ABCC3: variants seen among roughly 807,000 people sequenced by gnomAD.
ABCC3 encodes the protein ATP-binding cassette sub-family C member 3.
Under a neutral mutation model 165.3 loss-of-function variants are expected in ABCC3, and 121 were observed. The ratio of observed to expected loss-of-function variants is 0.73; its 90% confidence interval spans 0.63 to 0.85. ABCC3 has a LOEUF of 0.85. Among genes scored for constraint, ABCC3 ranks in the 40% least tolerant of loss-of-function variants. The pLI, the probability that ABCC3 is intolerant of heterozygous loss-of-function variation, is 0.00. For synonymous variants in ABCC3, 733 were observed against 810.1 expected (o/e 0.90, Z 1.62); for missense variants, 1,869 against 1,964.1 (o/e 0.95, Z 0.92).
intron 4 of ABCC3, among the ~76,000 whole-genome samples, chr17:50,657,675 C>T (rs144113493): frequency 0.011 from 1,619 of 152,296 alleles, 16 homozygotes; most frequent in Middle Eastern, 0.024. Context: ...TCCATCTCAG[C>T]GGGAAGCAGG....
chr17:50,666,231 G>A (rs990839132), intron 11 of ABCC3, among the ~76,000 whole-genome samples: 3 of 152,112 alleles, frequency 2.0e-5, no homozygotes, highest in Admixed American at 2.0e-4. Flanking sequence ...CAGAGCTTTG[G>A]GAGGCCGAGG....
rs1967551377 is a variant in ABCC3, at chr17:50,667,615, T to C, written c.1493T>C (p.Ile498Thr). Residue 498 changes from isoleucine to threonine, a missense_variant, in exon 12 of 31, where the codon ATC becomes ACC. Physicochemically the swap from Ile to Thr is moderately conservative, Grantham distance 89. Coordinates refer to ENST00000285238, the MANE Select transcript of ABCC3 (RefSeq NM_003786.4). ...IKLMSEILNGIKVLKLYAWEP... is the reference protein window; with the variant it reads ...IKLMSEILNGTKVLKLYAWEP... ...CTGATGAGTGAGATCCTGAACGGCA[T>C]CAAGGTGCTGAAGCTGTACGCCTGG... The C allele has an allele frequency of 3.1e-6, 5 of 1,614,182 alleles. No homozygotes were observed. The East Asian group carries it at 1.1e-4, about 36-fold the overall frequency.
At chr17:50,641,465 A>G (rs987767421) in intron 1 of ABCC3, among the ~76,000 whole-genome samples, 13 of 152,294 alleles carry the variant, frequency 8.5e-5, no homozygotes, top group Non-Finnish European at 1.6e-4. Context: ...CATTTTACAC[A>G]TAACTGAGTT....
At chr17:50,679,750 G>T in intron 25 of ABCC3, 48 bp from the exon 26 acceptor site, 1 of 1,537,360 alleles carries the variant, frequency 6.5e-7, no homozygotes, top group South Asian at 1.1e-5. Context: ...AAGCCATTAC[G>T]GTGGGGAGGG....
Position 50,663,940 on chromosome 17 carries a change from C to T in ABCC3, c.1177-10C>T, listed in dbSNP as rs780516365. ...CGCAGCCAAGTCCACCCACTACTGT[C>T]TACCTGCAGGCTCTGGTTATCACCA... On this transcript the variant is annotated splice_polypyrimidine_tract_variant and intron_variant, in intron 9 of 30. Transcript: ENST00000285238. 9.3e-6 allele frequency: 15 copies of T among 1,614,230 alleles called. No homozygotes were observed. In the South Asian group the frequency reaches 1.4e-4, roughly 15 times the overall value.
At chr17:50,685,457 G>A (rs1968007729) in intron 29 of ABCC3, among the ~76,000 whole-genome samples, 1 of 152,148 alleles carries the variant, frequency 6.6e-6, no homozygotes, top group Non-Finnish European at 1.5e-5. Context: ...AACAAAGCAA[G>A]TCATGCATAT....
At position 50,669,442 on chromosome 17, in the gene ABCC3, C is replaced by G. The variant is rs767722164; in HGVS notation, c.2155C>G (p.Arg719Gly). The change falls in exon 17 of 31, where the codon CGC becomes GGC. Residue 719 changes from arginine to glycine, a missense_variant. Coordinates refer to ENST00000285238, the MANE Select transcript of ABCC3 (RefSeq NM_003786.4). ...TTTCGGCAAAGCCCTGAACCCCAAG[C>G]GCTACCAGCAGACTCTGGAGGCCTG... is the stretch of plus-strand genomic sequence containing the variant. ...VLFGKALNPK[R>G]YQQTLEACAL... 9 of 1,614,242 alleles carry G rather than the reference C, an allele frequency of 5.6e-6. No homozygotes were observed. Among genetic ancestry groups the G allele is most frequent in the Non-Finnish European group, 7.6e-6 (9 of 1,180,036 alleles).
chr17:50,665,820 C>T (rs910431210), intron 11 of ABCC3, among the ~76,000 whole-genome samples: 3 of 151,628 alleles, frequency 2.0e-5, no homozygotes, highest in Non-Finnish European at 4.4e-5. Context: ...CCATGTTGGC[C>T]AGGCTGGTCT....
intron 1 of ABCC3, among the ~76,000 whole-genome samples, chr17:50,642,439 A>G (rs1966910015): frequency 6.6e-6 from 1 of 152,218 alleles, no homozygotes; most frequent in Non-Finnish European, 1.5e-5. Flanking sequence ...CACAGCCCCA[A>G]AGTCCCCTGG....
chr17:50,635,558 A>G, intron 1 of ABCC3: 1 of 702,424 alleles, frequency 1.4e-6, no homozygotes, highest in Non-Finnish European at 2.6e-6. Context: ...CATCCCCACC[A>G]CTCCGGACTC....
intron 19 of ABCC3, among the ~76,000 whole-genome samples, chr17:50,673,900 T>TTTTTCTTTC (rs1555595307): frequency 3.7e-4 from 49 of 131,626 alleles, no homozygotes; most frequent in Non-Finnish European, 4.9e-4. Context: ...TCAGAGCCTG[T>TTTTTCTTTC]TTTCTTTCTT....
At chr17:50,639,964 A>G (rs1489248735) in intron 1 of ABCC3, among the ~76,000 whole-genome samples, 1 of 152,108 alleles carries the variant, frequency 6.6e-6, no homozygotes, top group Non-Finnish European at 1.5e-5. Context: ...GGGTTTCACC[A>G]TGATGGCCAG....
At chr17:50,675,841 A>C (rs746017357) in intron 21 of ABCC3, 42 bp from the exon 22 acceptor site, 3 of 1,609,748 alleles carry the variant, frequency 1.9e-6, no homozygotes, top group Non-Finnish European at 2.5e-6. Context: ...CCCAGGGTTT[A>C]TGGAGTCCCC....
At chr17:50,672,867 C>T in intron 17 of ABCC3, 104 bp from the exon 18 acceptor site, 1 of 1,040,350 alleles carries the variant, frequency 9.6e-7, no homozygotes, top group Non-Finnish European at 1.4e-6. Context: ...GACCCCATCT[C>T]AGGAAAAAAA....
intron 1 of ABCC3, chr17:50,635,546 G>A (rs1250369035): frequency 1.9e-5 from 13 of 702,440 alleles, no homozygotes; most frequent in African/African-American, 3.5e-5. Flanking sequence ...CTGAGAGCAG[G>A]CCATCCCCAC....
intron 17 of ABCC3, among the ~76,000 whole-genome samples, chr17:50,671,702 CTTTTTTTTTTT>C (rs386386244): frequency 0.072 from 4,062 of 56,468 alleles, 303 homozygotes; most frequent in African/African-American, 0.22. Flanking sequence ...TCCTTCCTTC[CTTTTTTTTTTT>C]TTTTTTTTTT....
At chr17:50,687,136 A>G (rs1191927072) in intron 29 of ABCC3, among the ~76,000 whole-genome samples, 1 of 152,172 alleles carries the variant, frequency 6.6e-6, no homozygotes, top group Non-Finnish European at 1.5e-5. Context: ...GCTCAGCAAG[A>G]TGGCATCGTG....
At chr17:50,647,791 A>G (rs1295996409) in intron 1 of ABCC3, among the ~76,000 whole-genome samples, 1 of 152,202 alleles carries the variant, frequency 6.6e-6, no homozygotes, top group Non-Finnish European at 1.5e-5. Context: ...TAATCCCAGC[A>G]CTTTGGGAGG....
Position 50,665,152 on chromosome 17 carries a change from G to T in ABCC3, c.1339-1G>T, listed in dbSNP as rs143894806. On this transcript the variant is annotated splice_acceptor_variant, in intron 10 of 30. Coordinates refer to ENST00000285238, the MANE Select transcript of ABCC3 (RefSeq NM_003786.4). LOFTEE classifies it high-confidence loss of function. Reference sequence around the variant, plus strand: ...TCATCTATCCACCGGTGCCTCCTCAGAACCTAGGTCCCTCTGTCCTGGCTG... The same window carrying T: ...TCATCTATCCACCGGTGCCTCCTCATAACCTAGGTCCCTCTGTCCTGGCTG... 1.0e-3 allele frequency: 1,671 copies of T among 1,614,000 alleles called. 1 individual carries two copies. Among genetic ancestry groups the T allele is most frequent in the Non-Finnish European group, 1.3e-3 (1,502 of 1,180,008 alleles).
Sources: gnomAD v4.1 joint callset for allele counts (sites outside exome capture counted in the v4.1 genomes callset) on GRCh38, gnomAD v4.1.1 for gene constraint, MANE v1.5 for transcripts, NCBI Gene and HGNC (gene_info 2026-07-23, HGNC 2026-07-21) for gene names.